SGSM2: variants seen among roughly 807,000 people sequenced by gnomAD.
SGSM2 encodes the protein RUN and TBC1 domain containing 1.
SGSM2 carries 89 observed loss-of-function variants against 126.6 expected under a neutral mutation model. The ratio of observed to expected loss-of-function variants is 0.70; its 90% CI spans 0.59 to 0.84. The LOEUF is 0.84. Ranked by LOEUF, SGSM2 falls within the 40% of genes least tolerant of loss-of-function variation. SGSM2 has a pLI of 0.00. For synonymous variants in SGSM2, 614 were observed against 574.3 expected, an observed-to-expected ratio of 1.07 and a Z score of -0.99; for missense variants, 1,404 against 1,416.6, an observed-to-expected ratio of 0.99 and a Z score of 0.14.
In SGSM2 at chr17:2,372,266, G is replaced by T. The variant is rs1247389345; in HGVS notation, c.1642+12G>T. On this transcript the variant is annotated intron_variant, in intron 14 of 23. Coordinates refer to ENST00000268989, the MANE Select transcript of SGSM2 (RefSeq NM_014853.3). This position sits in a 1 kb window ranked among gnomAD's most constrained non-coding sequence, Gnocchi z 6.0. ...GGCCTTCTACGGCTGTGAGTGTGGG[G>T]CGCGCCGGGCTGTGGCGGGCTGGGG... The T allele has an allele frequency of 6.2e-7, 1 of 1,612,638 alleles. No homozygotes were observed. Among genetic ancestry groups the T allele is most frequent in the Non-Finnish European group, 8.5e-7 (1 of 1,179,524 alleles).
At chr17:2,374,206 C>T (rs1038464323) in intron 17 of SGSM2, 3 of 152,160 alleles carry the variant, frequency 2.0e-5, no homozygotes, top group African/African-American at 7.2e-5. Flanking sequence ...TTTAAAATTG[C>T]CTCTTTAGAT....
At position 2,375,568 on chromosome 17, in the gene SGSM2, A is replaced by G. The variant is rs1179788648; in HGVS notation, c.2177A>G (p.Glu726Gly). 6 of 1,613,732 alleles carry G rather than the reference A, an allele frequency of 3.7e-6. No homozygotes were observed. Among genetic ancestry groups the G allele is most frequent in the Non-Finnish European group, 5.1e-6 (6 of 1,179,998 alleles). Residue 726 changes from glutamate (E) to glycine (G), a missense_variant, in exon 18 of 24, where the codon GAA becomes GGA. Glu to Gly is a moderately conservative substitution (Grantham distance 98). Transcript: ENST00000268989. ...PEDSRPKPEQEAGPGTPGTAV... is the reference protein window; with the variant it reads ...PEDSRPKPEQGAGPGTPGTAV... ...GATTCCAGACCAAAACCTGAGCAGG[A>G]AGCAGGACCCGGGACTCCGGGCACC...
At chr17:2,358,261 C>T (rs1404147782) in intron 2 of SGSM2, among the ~76,000 whole-genome samples, 1 of 152,140 alleles carries the variant, frequency 6.6e-6, no homozygotes, top group African/African-American at 2.4e-5. Flanking sequence ...TTCACCGTCC[C>T]GTGTCTGTGA....
Position 2,377,532 on chromosome 17 carries a change from G to A in SGSM2, c.2803-325G>A, listed in dbSNP as rs528462820. On this transcript the variant is annotated intron_variant, in intron 21 of 23. Coordinates refer to ENST00000268989, the MANE Select transcript of SGSM2 (RefSeq NM_014853.3). Reference sequence around the variant, plus strand: ...TTTCAGCGTTAGAAATTGAGGAGGAGTGTGTGTGTGTGTGAATGCTCGTGC... The same window carrying A: ...TTTCAGCGTTAGAAATTGAGGAGGAATGTGTGTGTGTGTGAATGCTCGTGC... 3.2e-3 allele frequency: 611 copies of A among 193,548 alleles called. 1 individual carries two copies. The highest frequency in any genetic ancestry group is 6.4e-3 in the Admixed American group (111 of 17,454). 12.0% of individuals were successfully genotyped at this position (193,548 alleles called of 1,614,324 possible). A position where few individuals can be genotyped will look rare whatever the true frequency, so the allele number is the denominator to read the frequency against.
chr17:2,379,833 C>T lies in SGSM2; in HGVS notation c.*313C>T, dbSNP rs1218649949. 2 of 1,320,168 alleles carry T rather than the reference C, an allele frequency of 1.5e-6. No homozygotes were observed. Among genetic ancestry groups the T allele is most frequent in the Non-Finnish European group, 9.7e-7 (1 of 1,029,786 alleles). The allele number at this position is 1,320,168 out of a possible 1,614,324, so 81.8% of individuals were successfully genotyped here. ...CTGCCACCTGCAGCCGCAGCCTGGA[C>T]TGCTGCCCACGAGTGAACCTGGGGC... On this transcript the variant is annotated 3_prime_UTR_variant, in exon 24 of 24. Transcript: ENST00000268989.
At chr17:2,373,111 T>A (rs1316370219) in intron 16 of SGSM2, 30 bp downstream of exon 16, 2 of 1,316,660 alleles carry the variant, frequency 1.5e-6, no homozygotes, top group Non-Finnish European at 1.0e-6. Context: ...ATGGGGCTGA[T>A]GAGATGGGGA....
intron 2 of SGSM2, among the ~76,000 whole-genome samples, chr17:2,358,950 T>C (rs981601339): frequency 6.8e-6 from 1 of 146,584 alleles, no homozygotes; most frequent in African/African-American, 2.6e-5. Context: ...CCATCTCGGC[T>C]CACTGCAACC....
chr17:2,352,478 A>G (rs1387089813), intron 2 of SGSM2, among the ~76,000 whole-genome samples: 1 of 152,128 alleles, frequency 6.6e-6, no homozygotes, highest in East Asian at 1.9e-4. Flanking sequence ...ACACCTGCCA[A>G]CTTGCTGTCC....
At chr17:2,377,498 A>ACGAAAAAAAAGAAAAAAAAAAC (rs1407877395) in intron 21 of SGSM2, 2 of 188,088 alleles carry the variant, frequency 1.1e-5, no homozygotes, top group South Asian at 1.1e-4. Context: ...AAAAAAAAAA[A>ACGAAAAAAAAGAAAAAAAAAAC]AACCATGGTT....
rs544639619 is a variant in SGSM2, at chr17:2,377,805, A to G, written c.2803-52A>G. ...TGAGCGGACGGTGAGTGGCGGCCAGAGGCAGCATCGGCTCAGGGCTCAGCC... is the reference window on the plus strand; with the variant it reads ...TGAGCGGACGGTGAGTGGCGGCCAGGGGCAGCATCGGCTCAGGGCTCAGCC... On this transcript the variant is annotated intron_variant, in intron 21 of 23. Transcript: ENST00000268989. 29 of 1,218,970 alleles carry G rather than the reference A, an allele frequency of 2.4e-5. No individual in the cohort carries two copies. The East Asian group carries it at 6.5e-4, about 28-fold the overall frequency. The allele number at this position is 1,218,970 out of a possible 1,614,324, so 75.5% of individuals were successfully genotyped here.
chr17:2,375,698 T>C lies in SGSM2; in HGVS notation c.2307T>C (p.Asp769=). 6.2e-7 allele frequency: 1 copy of C among 1,613,304 alleles called. No individual in the cohort carries two copies. Among genetic ancestry groups the C allele is most frequent in the Non-Finnish European group, 8.5e-7 (1 of 1,179,572 alleles). Reference sequence around the variant, plus strand: ...CCTCGGGCATCCAGTCAAGCCTAGATGAGGGGCAGAGCGTGGGCTTCGAAG... The same window carrying C: ...CCTCGGGCATCCAGTCAAGCCTAGACGAGGGGCAGAGCGTGGGCTTCGAAG... ...SVASGIQSSL[D]EGQSVGFEEE... is the part of the protein sequence containing the mutation. Residue 769 remains aspartate, a synonymous_variant, in exon 18 of 24, where the codon GAT becomes GAC. Transcript: ENST00000268989.
rs911883028 is a variant in SGSM2 at position 2,367,679 on chromosome 17, C to T, written c.1423+274C>T. Among the ~76,000 whole-genome samples the T allele has an allele frequency of 3.3e-5, 5 of 152,228 alleles. No homozygotes were observed. The highest frequency in any genetic ancestry group is 3.3e-4 in the Admixed American group (5 of 15,286). ...TCTGATTATCTGATTGCCTCCTGGG[C>T]ACCCTGAATGGATCTCTGAGCCCAT... On this transcript the variant is annotated intron_variant, in intron 12 of 23. Coordinates refer to ENST00000268989, the MANE Select transcript of SGSM2 (RefSeq NM_014853.3). The surrounding 1 kb of genome is among the most constrained non-coding windows in gnomAD (Gnocchi z 4.0).
intron 2 of SGSM2, among the ~76,000 whole-genome samples, chr17:2,351,838 G>A (rs2064867395): frequency 1.3e-5 from 2 of 152,176 alleles, no homozygotes; most frequent in South Asian, 4.1e-4. Context: ...CTCCCAATCA[G>A]AGTCCAGTTG....
chr17:2,338,789 A>ATATATATATATATATATATATATAT (rs1483751869), intron 1 of SGSM2, among the ~76,000 whole-genome samples: 11 of 148,206 alleles, frequency 7.4e-5, no homozygotes, highest in Non-Finnish European at 1.2e-4. Flanking sequence ...ATATATATAT[A>ATATATATATATATATATATATATAT]ACCTCACGCC....
At chr17:2,351,757 G>A (rs1337751564) in intron 2 of SGSM2, among the ~76,000 whole-genome samples, 2 of 152,004 alleles carry the variant, frequency 1.3e-5, no homozygotes, top group East Asian at 1.9e-4. Context: ...ACGGGGTTTC[G>A]CCATGTTGCC....
Position 2,372,903 on chromosome 17 carries a change from G to T in SGSM2, c.1789-50G>T, listed in dbSNP as rs73976518. On this transcript the variant is annotated intron_variant, in intron 15 of 23. Coordinates refer to ENST00000268989, the MANE Select transcript of SGSM2 (RefSeq NM_014853.3). The surrounding 1 kb of genome is among the most constrained non-coding windows in gnomAD (Gnocchi z 6.0). ...CGTGGGATGGGGCTCACCCAGCTGG[G>T]CCACGGTGACTGTGGAGGCTGCACA... 2,449 of 1,543,424 alleles carry T rather than the reference G, an allele frequency of 1.6e-3. 28 individuals are homozygous for T. The African/African-American group carries it at 0.027, about 17-fold the overall frequency.
At chr17:2,358,876 T>TTG (rs1567817410) in intron 2 of SGSM2, among the ~76,000 whole-genome samples, 2 of 87,766 alleles carry the variant, frequency 2.3e-5, no homozygotes, top group African/African-American at 9.2e-5. Context: ...TGTTGTTGTT[T>TTG]TTTTTTTTTT....
chr17:2,346,052 A>T (rs1316177322), intron 2 of SGSM2, among the ~76,000 whole-genome samples: 1 of 152,176 alleles, frequency 6.6e-6, no homozygotes, highest in African/African-American at 2.4e-5. Context: ...CTGATGTGCC[A>T]GTCTCCCTCA....
chr17:2,372,487 AG>A lies in SGSM2; in HGVS notation c.1788+1del. 6.3e-7 allele frequency: 1 copy of A among 1,598,150 alleles called. No homozygotes were observed. On this transcript the variant is annotated frameshift_variant and splice_region_variant, in exon 15 of 24. Transcript: ENST00000268989. LOFTEE classifies it high-confidence loss of function. This position sits in a 1 kb window ranked among gnomAD's most constrained non-coding sequence, Gnocchi z 6.0. The stretch of plus-strand genomic sequence containing the variant: ...TGGAGCAAGTATCAGAAGGACAAAA[AG>A]GTGCCAACCCTGGGGTTCCAGGGCC... ...DVWSKYQKDK[K>X]NYKELELLRQ...
Sources: gnomAD v4.1 joint callset for allele counts (sites outside exome capture counted in the v4.1 genomes callset) on GRCh38, gnomAD v4.1.1 for gene constraint, Gnocchi (gnomAD v3.1) non-coding constraint, MANE v1.5 for transcripts, NCBI Gene and HGNC (gene_info 2026-07-23, HGNC 2026-07-21) for gene names.